Variants in RASGRF2 observed in about 807,000 individuals in gnomAD.
The protein encoded by RASGRF2 is ras-specific guanine nucleotide-releasing factor 2.
A neutral mutation model predicts 151.0 loss-of-function variants in RASGRF2; 76 were observed. That is an observed-to-expected ratio of 0.50 (90% CI 0.42 to 0.61). The LOEUF (loss-of-function observed/expected upper bound fraction) is 0.61. RASGRF2 is among the 20% of genes least tolerant of loss of function. The probability of loss-of-function intolerance (pLI) is 0.00; values close to 1 mark genes in which losing one functional copy is unlikely to be tolerated. For synonymous variants in RASGRF2, 504 were observed against 566.5 expected, an observed-to-expected ratio of 0.89 and a Z score of 1.57; for missense variants, 1,148 against 1,564.6, an observed-to-expected ratio of 0.73 and a Z score of 4.49.
rs113949209 is a variant in RASGRF2 at position 81,022,762 on chromosome 5, G to A, written c.289-20115G>A. Among the ~76,000 whole-genome samples, 789 of 152,274 alleles carry A rather than the reference G, an allele frequency of 5.2e-3. 4 individuals are homozygous for A. Among genetic ancestry groups the A allele is most frequent in the Non-Finnish European group, 6.9e-3 (466 of 68,026 alleles). On this transcript the variant is annotated intron_variant, in intron 1 of 26. Transcript: ENST00000265080. ...GGGGGGCACTAGCTTCGACCTTTGG[G>A]CTGTAATGGCAGCTGGGATACAAGG...
At chr5:80,972,760 G>A (rs988746159) in intron 1 of RASGRF2, among the ~76,000 whole-genome samples, 4 of 152,192 alleles carry the variant, frequency 2.6e-5, no homozygotes, top group Admixed American at 6.5e-5. Flanking sequence ...GATTACAGGC[G>A]TGAGCCACCG....
At chr5:80,999,548 G>A (rs1231642750) in intron 1 of RASGRF2, among the ~76,000 whole-genome samples, 1 of 151,988 alleles carries the variant, frequency 6.6e-6, no homozygotes, top group African/African-American at 2.4e-5. Flanking sequence ...TTGTAGAGAT[G>A]GGGTTTTGCT....
At chr5:80,993,090 T>TTCAA (rs1488649561) in intron 1 of RASGRF2, among the ~76,000 whole-genome samples, 4 of 152,214 alleles carry the variant, frequency 2.6e-5, no homozygotes, top group Non-Finnish European at 5.9e-5. Context: ...GGGGCCATTT[T>TTCAA]TCAATCTGTC....
intron 3 of RASGRF2, among the ~76,000 whole-genome samples, chr5:81,068,875 C>G (rs1455029784): frequency 6.6e-6 from 1 of 152,144 alleles, no homozygotes; most frequent in African/African-American, 2.4e-5. Flanking sequence ...CTGAATGTAC[C>G]TTTCCCGCTG....
intron 1 of RASGRF2, among the ~76,000 whole-genome samples, chr5:81,011,229 A>T (rs567152): frequency 0.44 from 51,559 of 116,180 alleles, 8,899 homozygotes; most frequent in Middle Eastern, 0.56. Context: ...CTAGCTTACT[A>T]TTTTTTTTTA....
At chr5:81,048,169 G>A (rs1054283094) in intron 2 of RASGRF2, among the ~76,000 whole-genome samples, 5 of 152,060 alleles carry the variant, frequency 3.3e-5, no homozygotes, top group African/African-American at 1.2e-4. Context: ...AATTAGAGAT[G>A]GACAGTGATG....
chr5:81,074,175 C>G (rs1183461216), intron 5 of RASGRF2, among the ~76,000 whole-genome samples: 3 of 152,160 alleles, frequency 2.0e-5, no homozygotes, highest in Non-Finnish European at 4.4e-5. Flanking sequence ...AGTTTCCTTA[C>G]TGCTGAGGAT....
chr5:81,125,098 G>A (rs1386467060), intron 16 of RASGRF2, among the ~76,000 whole-genome samples: 1 of 152,136 alleles, frequency 6.6e-6, no homozygotes, highest in Non-Finnish European at 1.5e-5. Flanking sequence ...TGTCGGCAAG[G>A]CTGGTCTCAA....
chr5:81,056,267 T>C (rs1054756042), intron 2 of RASGRF2, among the ~76,000 whole-genome samples: 8 of 152,224 alleles, frequency 5.3e-5, no homozygotes, highest in African/African-American at 1.9e-4. Flanking sequence ...GGGCATTTAG[T>C]GCTATAAATT....
chr5:81,020,155 G>A (rs567701617), intron 1 of RASGRF2, among the ~76,000 whole-genome samples: 1 of 152,242 alleles, frequency 6.6e-6, no homozygotes, highest in Non-Finnish European at 1.5e-5. Flanking sequence ...TATTGATTTT[G>A]TTGTCTTTCT....
intron 1 of RASGRF2, among the ~76,000 whole-genome samples, chr5:81,038,215 A>G (rs532251154): frequency 1.3e-5 from 2 of 152,274 alleles, no homozygotes; most frequent in African/African-American, 4.8e-5. Context: ...TCTTTATGGT[A>G]TATGTGGAGG....
intron 1 of RASGRF2, among the ~76,000 whole-genome samples, chr5:80,996,673 C>T (rs1045950644): frequency 6.7e-6 from 1 of 148,722 alleles, no homozygotes; most frequent in African/African-American, 2.5e-5. Context: ...AATCTTGGCT[C>T]ACTGCAATCT....
intron 2 of RASGRF2, among the ~76,000 whole-genome samples, chr5:81,045,044 G>A (rs979283901): frequency 1.3e-5 from 2 of 152,146 alleles, no homozygotes; most frequent in South Asian, 2.1e-4. Context: ...TGGTTCAGCC[G>A]TCCTTGCTCT....
intron 2 of RASGRF2, among the ~76,000 whole-genome samples, chr5:81,059,383 C>CAA (rs35051372): frequency 0.033 from 2,928 of 89,518 alleles, 66 homozygotes; most frequent in South Asian, 0.055. Flanking sequence ...GACTCCGCCT[C>CAA]AAAAAAAAAA....
chr5:81,092,091 T>C (rs572729131), intron 9 of RASGRF2, among the ~76,000 whole-genome samples: 3 of 152,238 alleles, frequency 2.0e-5, no homozygotes, highest in Admixed American at 1.3e-4. Context: ...AAGGTAATGT[T>C]GGTATTATAA....
intron 2 of RASGRF2, among the ~76,000 whole-genome samples, chr5:81,051,782 AT>A (rs1320926577): frequency 6.6e-6 from 1 of 152,080 alleles, no homozygotes; most frequent in East Asian, 1.9e-4. Context: ...TGCTATGAAT[AT>A]TTGTGTGCAT....
intron 17 of RASGRF2, among the ~76,000 whole-genome samples, chr5:81,156,141 GA>G (rs35407668): frequency 0.14 from 20,269 of 149,610 alleles, 1,670 homozygotes; most frequent in Middle Eastern, 0.26. Flanking sequence ...TTCAAAAGAA[GA>G]AAAAAAAAAT....
At chr5:81,175,947 A>G (rs1202952366) in intron 17 of RASGRF2, among the ~76,000 whole-genome samples, 2 of 152,124 alleles carry the variant, frequency 1.3e-5, no homozygotes, top group Non-Finnish European at 1.5e-5. Context: ...GCCCCAAACC[A>G]GATGTCATCT....
chr5:81,004,828 T>C (rs1325727181), intron 1 of RASGRF2, among the ~76,000 whole-genome samples: 1 of 152,190 alleles, frequency 6.6e-6, no homozygotes, highest in East Asian at 1.9e-4. Context: ...CTGATTGAAA[T>C]GATAATCTAT....
Sources: allele counts gnomAD v4.1 joint callset (sites outside exome capture counted in the v4.1 genomes callset), GRCh38; gene constraint gnomAD v4.1.1; transcripts MANE v1.5; gene names NCBI Gene and HGNC (gene_info 2026-07-23, HGNC 2026-07-21).